ADAMTSL1: variants seen among roughly 807,000 people sequenced by gnomAD.
ADAMTSL1 encodes the protein ADAMTS like 1, also known as ADAMTS-like protein 1.
ADAMTSL1 carries 126 observed loss-of-function variants against 201.8 expected under a neutral mutation model. The observed-to-expected ratio is 0.62, with a 90% confidence interval of 0.54 to 0.72. The LOEUF is 0.72. Among genes scored for constraint, ADAMTSL1 ranks in the 30% least tolerant of loss-of-function variants. ADAMTSL1 has a pLI of 0.00. For synonymous variants in ADAMTSL1, 1,121 were observed against 903.4 expected, an observed-to-expected ratio of 1.24 and a Z score of -4.32; for missense variants, 2,679 against 2,277.8, an observed-to-expected ratio of 1.18 and a Z score of -3.59.
At chr9:18,533,153 T>A (rs1162036500) in intron 2 of ADAMTSL1, 94 bp from the exon 3 acceptor site, 1 of 940,952 alleles carries the variant, frequency 1.1e-6, no homozygotes, top group African/African-American at 1.7e-5. Flanking sequence ...AGAGGCCCTT[T>A]TACTAGTATT....
At chr9:18,279,593 A>T (rs1345201066) in intron 2 of ADAMTSL1, among the ~76,000 whole-genome samples, 1 of 151,786 alleles carries the variant, frequency 6.6e-6, no homozygotes, top group African/African-American at 2.4e-5. Flanking sequence ...ACATGACACC[A>T]CCAAAGTGAA....
intron 13 of ADAMTSL1, among the ~76,000 whole-genome samples, chr9:18,701,690 A>G (rs1278154601): frequency 6.6e-6 from 1 of 152,172 alleles, no homozygotes; most frequent in African/African-American, 2.4e-5. Context: ...GAAAACCTAT[A>G]CCTAAATTGA....
intron 14 of ADAMTSL1, among the ~76,000 whole-genome samples, chr9:18,717,687 C>T (rs181645793): frequency 1.3e-5 from 2 of 152,224 alleles, no homozygotes; most frequent in East Asian, 1.9e-4. Flanking sequence ...ACATGTACAA[C>T]GTGGGTGGAT....
At chr9:18,196,511 C>T (rs1829190384) in intron 2 of ADAMTSL1, among the ~76,000 whole-genome samples, 1 of 152,062 alleles carries the variant, frequency 6.6e-6, no homozygotes, top group Non-Finnish European at 1.5e-5. Context: ...GGAAAAACTA[C>T]CTGGTACGGC....
At chr9:18,839,641 G>C (rs948981831) in intron 23 of ADAMTSL1, among the ~76,000 whole-genome samples, 20 of 152,304 alleles carry the variant, frequency 1.3e-4, no homozygotes, top group African/African-American at 3.1e-4. Flanking sequence ...CTAGTTTACA[G>C]TCCCACCAAC....
intron 3 of ADAMTSL1, among the ~76,000 whole-genome samples, chr9:18,555,581 G>GA (rs1821056671): frequency 6.6e-6 from 1 of 151,886 alleles, no homozygotes; most frequent in East Asian, 1.9e-4. Flanking sequence ...GACACAGATA[G>GA]AAAAAAACAA....
At chr9:18,488,702 A>T (rs1822119480) in intron 1 of ADAMTSL1, among the ~76,000 whole-genome samples, 3 of 152,084 alleles carry the variant, frequency 2.0e-5, no homozygotes, top group African/African-American at 7.2e-5. Flanking sequence ...GTGCCCAATA[A>T]ACATCAGCAA....
intron 2 of ADAMTSL1, among the ~76,000 whole-genome samples, chr9:18,371,761 A>G (rs1471133090): frequency 6.6e-6 from 1 of 152,188 alleles, no homozygotes; most frequent in Admixed American, 6.5e-5. Context: ...GAGGAGGCAA[A>G]TCTTATTCTA....
At chr9:18,573,428 A>G (rs1232059836) in intron 3 of ADAMTSL1, 1 of 155,548 alleles carries the variant, frequency 6.4e-6, no homozygotes, top group African/African-American at 2.4e-5. Flanking sequence ...TGCTCTTTCC[A>G]TTCTGCCATG....
At chr9:18,196,405 G>A (rs966447878) in intron 2 of ADAMTSL1, among the ~76,000 whole-genome samples, 11 of 151,986 alleles carry the variant, frequency 7.2e-5, no homozygotes, top group African/African-American at 2.7e-4. Context: ...GATCTTAATG[G>A]AATAAATATA....
At chr9:18,849,923 G>A (rs1826373724) in intron 23 of ADAMTSL1, among the ~76,000 whole-genome samples, 1 of 152,156 alleles carries the variant, frequency 6.6e-6, no homozygotes, top group African/African-American at 2.4e-5. Context: ...TACATACAGT[G>A]TAAAACTAAA....
intron 4 of ADAMTSL1, among the ~76,000 whole-genome samples, chr9:18,621,126 T>C (rs1449441852): frequency 2.6e-5 from 4 of 152,208 alleles, no homozygotes; most frequent in African/African-American, 9.6e-5. Context: ...TATTTTATTT[T>C]GTCAAAGAGA....
At chr9:18,613,856 G>A (rs769971708) in intron 4 of ADAMTSL1, among the ~76,000 whole-genome samples, 1 of 151,988 alleles carries the variant, frequency 6.6e-6, no homozygotes, top group Non-Finnish European at 1.5e-5. Context: ...TAACAAAGCT[G>A]CACATCATGC....
chr9:18,389,404 C>T (rs1837951307), intron 2 of ADAMTSL1, among the ~76,000 whole-genome samples: 2 of 152,060 alleles, frequency 1.3e-5, no homozygotes, highest in African/African-American at 4.8e-5. Flanking sequence ...AGTATATTTC[C>T]AGAATTGTAC....
chr9:18,270,548 TGTGA>T (rs1345744951), intron 2 of ADAMTSL1, among the ~76,000 whole-genome samples: 3 of 152,184 alleles, frequency 2.0e-5, no homozygotes, highest in South Asian at 4.1e-4. Flanking sequence ...AGCTGAGAAG[TGTGA>T]GTATTGCCTA....
chr9:18,411,485 C>T (rs932793183), intron 2 of ADAMTSL1, among the ~76,000 whole-genome samples: 14 of 152,256 alleles, frequency 9.2e-5, no homozygotes, highest in Admixed American at 2.0e-4. Context: ...AGGCGTGAGC[C>T]GCCATACCTG....
intron 23 of ADAMTSL1, among the ~76,000 whole-genome samples, chr9:18,846,013 A>G (rs1158786552): frequency 6.6e-6 from 1 of 152,242 alleles, no homozygotes. Context: ...TACTTATTCA[A>G]GAAGTATTTA....
chr9:18,099,210 T>G (rs1037260048), intron 1 of ADAMTSL1, among the ~76,000 whole-genome samples: 3 of 150,236 alleles, frequency 2.0e-5, no homozygotes, highest in Admixed American at 6.6e-5. Context: ...TGTCTTTGAG[T>G]ATTCAAATAT....
chr9:17,929,974 G>T (rs1458894820), intron 1 of ADAMTSL1, among the ~76,000 whole-genome samples: 1 of 152,128 alleles, frequency 6.6e-6, no homozygotes, highest in African/African-American at 2.4e-5. Context: ...TTGAAAAAAG[G>T]ATTAATGAAA....
Sources: gnomAD v4.1 joint callset for allele counts (sites outside exome capture counted in the v4.1 genomes callset) on GRCh38, gnomAD v4.1.1 for gene constraint, MANE v1.5 for transcripts, NCBI Gene and HGNC (gene_info 2026-07-23, HGNC 2026-07-21) for gene names.